Variants in CDH18 observed in about 807,000 individuals in gnomAD.
The protein encoded by CDH18 is cadherin-18.
In CDH18, 31 loss-of-function variants were observed where a neutral mutation model predicts 67.9. That is an observed-to-expected ratio of 0.46 (90% CI 0.34 to 0.62). CDH18 has a LOEUF of 0.62. CDH18 is among the 20% of genes least tolerant of loss of function. The pLI is 0.01. For synonymous variants in CDH18, 362 were observed against 347.2 expected, an observed-to-expected ratio of 1.04 and a Z score of -0.48; for missense variants, 890 against 975.5, an observed-to-expected ratio of 0.91 and a Z score of 1.17.
intron 2 of CDH18, among the ~76,000 whole-genome samples, chr5:19,869,692 A>G (rs1014692009): frequency 1.3e-5 from 2 of 152,116 alleles, no homozygotes; most frequent in African/African-American, 2.4e-5. Flanking sequence ...TATTTTATAT[A>G]AGGCATTAGT....
chr5:19,538,501 C>T (rs549562663), intron 9 of CDH18, among the ~76,000 whole-genome samples: 78 of 152,212 alleles, frequency 5.1e-4, no homozygotes, highest in East Asian at 3.7e-3. Flanking sequence ...TCATCTTTAT[C>T]GCACTCATAA....
At chr5:20,157,553 A>C (rs1166543099) in intron 2 of CDH18, among the ~76,000 whole-genome samples, 1 of 152,064 alleles carries the variant, frequency 6.6e-6, no homozygotes, top group East Asian at 1.9e-4. Flanking sequence ...CCATCACTCA[A>C]ATATTAATAA....
chr5:20,207,158 A>G (rs1739963860), intron 2 of CDH18, among the ~76,000 whole-genome samples: 1 of 152,100 alleles, frequency 6.6e-6, no homozygotes, highest in South Asian at 2.1e-4. Context: ...TACAGAATAT[A>G]TAGTCAACAT....
At chr5:20,232,102 A>C (rs1742124502) in intron 2 of CDH18, among the ~76,000 whole-genome samples, 1 of 152,134 alleles carries the variant, frequency 6.6e-6, no homozygotes, top group Admixed American at 6.5e-5. Context: ...AATTGATTTC[A>C]CTAAAATATT....
At chr5:19,880,804 T>C (rs1389524154) in intron 2 of CDH18, among the ~76,000 whole-genome samples, 2 of 152,200 alleles carry the variant, frequency 1.3e-5, no homozygotes, top group Non-Finnish European at 2.9e-5. Flanking sequence ...TGTATGCTCA[T>C]AGAGAAACAC....
At chr5:19,890,484 A>T (rs1419552321) in intron 2 of CDH18, among the ~76,000 whole-genome samples, 1 of 152,126 alleles carries the variant, frequency 6.6e-6, no homozygotes, top group Non-Finnish European at 1.5e-5. Context: ...CCAATGGCTA[A>T]GCTCCATTCA....
At chr5:20,097,118 G>A (rs993842270) in intron 2 of CDH18, among the ~76,000 whole-genome samples, 1 of 152,052 alleles carries the variant, frequency 6.6e-6, no homozygotes, top group African/African-American at 2.4e-5. Flanking sequence ...GATTGCACAT[G>A]ATCTATTTCT....
chr5:20,293,951 G>A (rs929599987), intron 1 of CDH18, among the ~76,000 whole-genome samples: 15 of 152,134 alleles, frequency 9.9e-5, no homozygotes, highest in African/African-American at 3.1e-4. Context: ...ACTGATGTAC[G>A]TAGGCATTTT....
At chr5:20,544,761 C>T (rs982432871) in intron 1 of CDH18, among the ~76,000 whole-genome samples, 6 of 152,112 alleles carry the variant, frequency 3.9e-5, no homozygotes, top group African/African-American at 1.4e-4. Context: ...CAGAGGCAAA[C>T]CATATCATTA....
intron 2 of CDH18, among the ~76,000 whole-genome samples, chr5:20,213,587 T>C (rs541977137): frequency 6.6e-6 from 1 of 152,228 alleles, no homozygotes; most frequent in African/African-American, 2.4e-5. Flanking sequence ...TTTCAATTTC[T>C]TCCTGGTTCA....
At chr5:20,402,741 A>G (rs1393209525) in intron 1 of CDH18, among the ~76,000 whole-genome samples, 1 of 152,086 alleles carries the variant, frequency 6.6e-6, no homozygotes, top group Non-Finnish European at 1.5e-5. Flanking sequence ...CTGACTTATC[A>G]GGGTGCTGCT....
intron 2 of CDH18, among the ~76,000 whole-genome samples, chr5:20,203,325 C>G (rs1739597029): frequency 6.6e-6 from 1 of 152,164 alleles, no homozygotes; most frequent in Non-Finnish European, 1.5e-5. Flanking sequence ...GCTATGGAAA[C>G]CCTGCCCTGT....
At chr5:19,712,413 A>T (rs1200151836) in intron 5 of CDH18, among the ~76,000 whole-genome samples, 3 of 152,008 alleles carry the variant, frequency 2.0e-5, no homozygotes, top group Non-Finnish European at 4.4e-5. Context: ...GAGCTCTCAG[A>T]GTAGAGAAGA....
chr5:20,229,649 C>A (rs1741908746), intron 2 of CDH18, among the ~76,000 whole-genome samples: 1 of 152,046 alleles, frequency 6.6e-6, no homozygotes. Context: ...ACAAATACAT[C>A]TTATTAGATT....
chr5:20,548,392 T>C (rs1188886835), intron 1 of CDH18, among the ~76,000 whole-genome samples: 1 of 151,636 alleles, frequency 6.6e-6, no homozygotes, highest in Non-Finnish European at 1.5e-5. Context: ...GGATACTTAT[T>C]CAGGAAGTAA....
chr5:19,957,380 C>A (rs2150287764), intron 2 of CDH18, among the ~76,000 whole-genome samples: 1 of 150,810 alleles, frequency 6.6e-6, no homozygotes, highest in South Asian at 2.1e-4. Flanking sequence ...AATAATATAT[C>A]ATATACATAG....
intron 10 of CDH18, among the ~76,000 whole-genome samples, chr5:19,517,341 G>A (rs1189453053): frequency 6.6e-6 from 1 of 151,926 alleles, no homozygotes; most frequent in Admixed American, 6.6e-5. Context: ...TGTTTTTATT[G>A]TTGAGTTTTG....
intron 2 of CDH18, among the ~76,000 whole-genome samples, chr5:19,903,689 G>A (rs1266015509): frequency 7.1e-6 from 1 of 140,706 alleles, no homozygotes; most frequent in Non-Finnish European, 1.5e-5. Flanking sequence ...TGCAGCATGT[G>A]GATAACACTC....
At chr5:20,095,385 AGAAACAG>A (rs1362764356) in intron 2 of CDH18, among the ~76,000 whole-genome samples, 71 of 118,896 alleles carry the variant, frequency 6.0e-4, no homozygotes, top group African/African-American at 7.1e-4. Flanking sequence ...GAAAGAAAAG[AGAAACAG>A]AAGAAAGAAA....
Sources: gnomAD v4.1 joint callset for allele counts (sites outside exome capture counted in the v4.1 genomes callset) on GRCh38, gnomAD v4.1.1 for gene constraint, MANE v1.5 for transcripts, NCBI Gene and HGNC (gene_info 2026-07-23, HGNC 2026-07-21) for gene names.